E2F4: variants seen among roughly 807,000 people sequenced by gnomAD.
E2F4 encodes the protein E2F transcription factor 4, also known as transcription factor E2F4.
Under a neutral mutation model 44.5 loss-of-function variants are expected in E2F4, and 16 were observed. That is an observed-to-expected ratio of 0.36 (90% CI 0.24 to 0.55). The LOEUF (loss-of-function observed/expected upper bound fraction) is 0.55, where lower values mean the gene tolerates loss of function less well. Ranked by LOEUF, E2F4 falls within the 20% of genes least tolerant of loss-of-function variation. The pLI, the probability that E2F4 is intolerant of heterozygous loss-of-function variation, is 0.87. For synonymous variants in E2F4, 242 were observed against 207.2 expected (o/e 1.17, Z -1.44); for missense variants, 473 against 522.1 (o/e 0.91, Z 0.92).
chr16:67,196,439 C>T (rs1597276503), intron 7 of E2F4, among the ~76,000 whole-genome samples: 1 of 152,220 alleles, frequency 6.6e-6, no homozygotes, highest in Admixed American at 6.5e-5. Flanking sequence ...CAGCAGCCTC[C>T]AGCGTGTTTT....
chr16:67,195,890 A>ACAGCAGCAGCAG lies in E2F4; in HGVS notation c.947_958dup (p.Ser316_Ser319dup), dbSNP rs3830472. ...CCACTGCAGTCTTCTGCCCTGCTGGACAGCAGCAGCAGCAGCAGCAGCAGC... is the reference window on the plus strand; with the variant it reads ...CCACTGCAGTCTTCTGCCCTGCTGGACAGCAGCAGCAGCAGCAGCAGCAGCAGCAGCAGCAGC... On this transcript the variant is annotated inframe_insertion, in exon 7 of 10. Transcript: ENST00000379378. The ACAGCAGCAGCAG allele has an allele frequency of 3.3e-3, 5,309 of 1,607,958 alleles. 78 individuals are homozygous for ACAGCAGCAGCAG. In the African/African-American group the frequency reaches 0.057, roughly 17 times the overall value.
At chr16:67,192,462 G>T (rs2032901952) in intron 1 of E2F4, 100 bp downstream of exon 1, 4 of 1,358,556 alleles carry the variant, frequency 2.9e-6, no homozygotes, top group Non-Finnish European at 3.8e-6. Flanking sequence ...TCCGAGAGCC[G>T]GCCGCCATCG....
At chr16:67,197,125 C>T (rs2032981302) in intron 7 of E2F4, among the ~76,000 whole-genome samples, 1 of 152,216 alleles carries the variant, frequency 6.6e-6, no homozygotes, top group African/African-American at 2.4e-5. Context: ...TGTGAAATCC[C>T]TCATAGTCCT....
Position 67,195,790 on chromosome 16 carries a change from G to A in E2F4, c.817G>A (p.Gly273Ser), listed in dbSNP as rs746988034. The change falls in exon 7 of 10, where the codon GGC (glycine) becomes AGC (serine). Residue 273 changes from glycine (G) to serine (S), a missense_variant. By Grantham distance (56) the Gly-to-Ser change is moderately conservative. This residue lies in a region of E2F4 where 314 missense variants were observed against 315.6 expected (regional missense o/e 0.99). Coordinates refer to ENST00000379378, the MANE Select transcript of E2F4 (RefSeq NM_001950.4). ...GGGGGCTATCATTGTAGTGAGTGGC[G>A]GCCCTGGGACTGATAGCAAGGACAG... ...GPAAEITVSGGPGTDSKDSGE... is the reference protein window; with the variant it reads ...GPAAEITVSGSPGTDSKDSGE... 3.7e-6 allele frequency: 6 copies of A among 1,613,844 alleles called. No individual in the cohort carries two copies. The highest frequency in any genetic ancestry group is 1.7e-5 in the Admixed American group (1 of 59,978).
At position 67,195,612 on chromosome 16, in the gene E2F4, C is replaced by A. The variant is rs956688147; in HGVS notation, c.809-170C>A. ...TCTGTAGGTCTTGTGTCCCTGTCTC[C>A]TGTGGTGACTAATTTCAGGTTACTT... On this transcript the variant is annotated intron_variant, in intron 6 of 9. Coordinates refer to ENST00000379378, the MANE Select transcript of E2F4 (RefSeq NM_001950.4). 2.0e-5 allele frequency: 28 copies of A among 1,392,600 alleles called. No individual in the cohort carries two copies. In the African/African-American group the frequency reaches 3.9e-4, roughly 19 times the overall value. The allele number at this position is 1,392,600 out of a possible 1,614,324, so 86.3% of individuals were successfully genotyped here.
At position 67,197,847 on chromosome 16, in the gene E2F4, T is replaced by C; in HGVS notation, c.1082-20T>C. The C allele has an allele frequency of 1.9e-6, 3 of 1,614,070 alleles. No individual in the cohort carries two copies. Among genetic ancestry groups the C allele is most frequent in the South Asian group, 1.1e-5 (1 of 91,088 alleles). ...AGGTGGGAGCTGGAATGTTAGTAAC[T>C]GAGCTCCCTCCATTCCCAGAGTGCA... On this transcript the variant is annotated intron_variant, in intron 8 of 9. Coordinates refer to ENST00000379378, the MANE Select transcript of E2F4 (RefSeq NM_001950.4).
At chr16:67,196,096 TCTC>T in intron 7 of E2F4, 90 bp downstream of exon 7, 1 of 1,571,812 alleles carries the variant, frequency 6.4e-7, no homozygotes, top group Non-Finnish European at 8.7e-7. Context: ...GGAACCCAGA[TCTC>T]CTGTCAACCC....
chr16:67,194,781 C>T lies in E2F4; in HGVS notation c.609C>T (p.Pro203=), dbSNP rs1380243446. ...LLVNKEAWSS[P]PVAVPVPPPE... is the part of the protein sequence containing the mutation. ...TGAACAAGGAGGCATGGAGCTCACC[C>T]CCTGTGGCTGTGCCTGTGCCACCAC... The change falls in exon 6 of 10, where the codon CCC becomes CCT. Residue 203 remains proline (P), a synonymous_variant. Coordinates refer to ENST00000379378, the MANE Select transcript of E2F4 (RefSeq NM_001950.4). 11 of 1,614,068 alleles carry T rather than the reference C, an allele frequency of 6.8e-6. No homozygotes were observed. Among genetic ancestry groups the T allele is most frequent in the African/African-American group, 4.0e-5 (3 of 74,924 alleles).
At chr16:67,192,567 T>G in intron 1 of E2F4, 194 bp from the exon 2 acceptor site, 1 of 975,636 alleles carries the variant, frequency 1.0e-6, no homozygotes, top group Non-Finnish European at 1.5e-6. Context: ...GCTGCAGGTG[T>G]TCGTCCTCGT....
At position 67,192,787 on chromosome 16, in the gene E2F4, G is replaced by A. The variant is rs143700278; in HGVS notation, c.162G>A (p.Gln54=). ...KLAADTLAVR[Q]KRRIYDITNV... ...CAGCTGACACCCTAGCTGTACGCCAGAAGCGGCGGATTTACGACATTACCA... is the reference window on the plus strand; with the variant it reads ...CAGCTGACACCCTAGCTGTACGCCAAAAGCGGCGGATTTACGACATTACCA... Residue 54 remains glutamine (Q), a synonymous_variant, in exon 2 of 10, where the codon CAG becomes CAA. Coordinates refer to ENST00000379378, the MANE Select transcript of E2F4 (RefSeq NM_001950.4). 2.4e-5 allele frequency: 38 copies of A among 1,612,246 alleles called. No individual in the cohort carries two copies. Among genetic ancestry groups the A allele is most frequent in the Non-Finnish European group, 3.2e-5 (38 of 1,179,144 alleles).
At chr16:67,195,685 C>A (rs1313370605) in intron 6 of E2F4, 97 bp from the exon 7 acceptor site, 3 of 1,566,412 alleles carry the variant, frequency 1.9e-6, no homozygotes, top group East Asian at 2.4e-5. Context: ...GTCTGGGAAC[C>A]AGGCTTGTGG....
chr16:67,193,499 C>G lies in E2F4; in HGVS notation c.435C>G (p.Ile145Met), dbSNP rs770391730. The change falls in exon 4 of 10, where the codon ATC (isoleucine) becomes ATG (methionine). Residue 145 changes from isoleucine to methionine, a missense_variant. Physicochemically the swap from Ile to Met is conservative, Grantham distance 10. Around this residue, in one of 3 missense-constraint regions of E2F4, gnomAD observed 119 missense variants for 175.6 expected, o/e 0.68. Transcript: ENST00000379378. ...SCLAYVTHED[I>M]CRCFAGDTLL... is the part of the protein sequence containing the mutation. ...TGGCCTACGTCACTCATGAGGACAT[C>G]TGCAGATGCTTTGCTGGTGAGCAGA... 6 of 1,614,220 alleles carry G rather than the reference C, an allele frequency of 3.7e-6. No individual in the cohort carries two copies. Among genetic ancestry groups the G allele is most frequent in the Non-Finnish European group, 4.2e-6 (5 of 1,180,032 alleles).
chr16:67,192,983 C>G (rs1055980173), intron 2 of E2F4, 26 bp from the exon 3 acceptor site: 1 of 1,562,802 alleles, frequency 6.4e-7, no homozygotes, highest in African/African-American at 1.4e-5. Context: ...TCAGCAGTCC[C>G]TCTCAGCCCC....
At chr16:67,196,202 G>A (rs974429813) in intron 7 of E2F4, among the ~76,000 whole-genome samples, 196 bp downstream of exon 7, 5 of 152,126 alleles carry the variant, frequency 3.3e-5, no homozygotes, top group African/African-American at 9.7e-5. Flanking sequence ...ACTCCCTGCC[G>A]TCTCTCAAGC....
rs369525978 is a variant in E2F4, at chr16:67,194,382, C to T, written c.452-16C>T. The T allele has an allele frequency of 1.5e-4, 237 of 1,614,020 alleles. No individual in the cohort carries two copies. The highest frequency in any genetic ancestry group is 1.9e-4 in the Non-Finnish European group (220 of 1,179,960). On this transcript the variant is annotated splice_polypyrimidine_tract_variant and intron_variant, in intron 4 of 9. Transcript: ENST00000379378. ...TTGAGCCCATGGGCTCTGACCCATT[C>T]TCCATGTCATTCTAGGAGATACCCT... is the stretch of plus-strand genomic sequence containing the variant.
Position 67,194,386 on chromosome 16 carries a change from A to C in E2F4, c.452-12A>C. On this transcript the variant is annotated splice_polypyrimidine_tract_variant and intron_variant, in intron 4 of 9. Coordinates refer to ENST00000379378, the MANE Select transcript of E2F4 (RefSeq NM_001950.4). ...GCCCATGGGCTCTGACCCATTCTCC[A>C]TGTCATTCTAGGAGATACCCTCTTG... 1 of 1,613,870 alleles carries C rather than the reference A, an allele frequency of 6.2e-7. No homozygotes were observed. The highest frequency in any genetic ancestry group is 8.5e-7 in the Non-Finnish European group (1 of 1,179,900).
At position 67,193,140 on chromosome 16, in the gene E2F4, G is replaced by C. The variant is rs1484673933; in HGVS notation, c.377G>C (p.Arg126Pro). 1.7e-5 allele frequency: 26 copies of C among 1,574,004 alleles called. No homozygotes were observed. The highest frequency in any genetic ancestry group is 2.2e-5 in the Non-Finnish European group (26 of 1,159,530). Reference protein sequence around the residue: ...QHKVWVQQSIRNVTEDVQNSC... With the variant: ...QHKVWVQQSIPNVTEDVQNSC... ...AAGGTGTGGGTGCAGCAGAGCATCCGGAACGTCACAGAGGACGTGCAGAAC... is the reference window on the plus strand; with the variant it reads ...AAGGTGTGGGTGCAGCAGAGCATCCCGAACGTCACAGAGGACGTGCAGAAC... The change falls in exon 3 of 10, where the codon CGG becomes CCG. Residue 126 changes from arginine (R) to proline (P), a missense_variant. Arg to Pro is a moderately radical substitution (Grantham distance 103). Coordinates refer to ENST00000379378, the MANE Select transcript of E2F4 (RefSeq NM_001950.4).
chr16:67,192,862 C>G lies in E2F4; in HGVS notation c.237C>G (p.Ile79Met). The G allele has an allele frequency of 6.2e-7, 1 of 1,610,782 alleles. No individual in the cohort carries two copies. Among genetic ancestry groups the G allele is most frequent in the Non-Finnish European group, 8.5e-7 (1 of 1,178,260 alleles). ...GLIEKKSKNS[I>M]QWKGVGPGCN... ...TCGAGAAAAAGTCCAAGAACAGCAT[C>G]CAGTGGAAGTGAGTGGGCATAGTGG... The change falls in exon 2 of 10, where the codon ATC becomes ATG. Residue 79 changes from isoleucine (I) to methionine (M), a missense_variant. Transcript: ENST00000379378.
rs1012980048 is a variant in E2F4, at chr16:67,194,732, G to A, written c.560G>A (p.Ser187Asn). The change falls in exon 6 of 10, where the codon AGT becomes AAT. Residue 187 changes from serine to asparagine, a missense_variant. Physicochemically the swap from Ser to Asn is conservative, Grantham distance 46 (BLOSUM62 1). Coordinates refer to ENST00000379378, the MANE Select transcript of E2F4 (RefSeq NM_001950.4). ...KKYQIHLKSV[S>N]GPIEVLLVNK... ...TACCAGATTCACCTGAAGAGTGTGA[G>A]TGGTCCCATTGAGGTTCTGCTGGTG... is the stretch of plus-strand genomic sequence containing the variant. 6.2e-7 allele frequency: 1 copy of A among 1,614,190 alleles called. No individual in the cohort carries two copies. The highest frequency in any genetic ancestry group is 1.7e-5 in the Admixed American group (1 of 60,034).
Sources: gnomAD v4.1 joint callset for allele counts (sites outside exome capture counted in the v4.1 genomes callset) on GRCh38, gnomAD v4.1.1 for gene constraint, gnomAD v4.1.1 regional missense constraint, MANE v1.5 for transcripts, NCBI Gene and HGNC (gene_info 2026-07-23, HGNC 2026-07-21) for gene names.